PUM2: variants seen among roughly 807,000 people sequenced by gnomAD.
The protein encoded by PUM2 is pumilio homolog 2.
PUM2 carries 57 observed loss-of-function variants against 124.5 expected under a neutral mutation model. The ratio of observed to expected loss-of-function variants is 0.46; its 90% CI spans 0.37 to 0.57. PUM2 has a LOEUF of 0.57. Among genes scored for constraint, PUM2 ranks in the 20% least tolerant of loss-of-function variants. The pLI is 0.00. For missense variants in PUM2, 1,065 were observed against 1,290.6 expected, an observed-to-expected ratio of 0.83 and a Z score of 2.68; for synonymous variants, 460 against 446.1, an observed-to-expected ratio of 1.03 and a Z score of -0.39.
At chr2:20,320,167 G>A (rs1681956107) in intron 2 of PUM2, among the ~76,000 whole-genome samples, 1 of 152,186 alleles carries the variant, frequency 6.6e-6, no homozygotes, top group Non-Finnish European at 1.5e-5. Flanking sequence ...CTGGGAGGCT[G>A]AGGCAGAGAA....
intron 20 of PUM2, among the ~76,000 whole-genome samples, chr2:20,252,026 C>T (rs1028149474): frequency 6.6e-6 from 1 of 152,096 alleles, no homozygotes; most frequent in African/African-American, 2.4e-5. Flanking sequence ...AAAAAAATTA[C>T]AAAAAGACTT....
chr2:20,258,872 T>C (rs1030755469), intron 15 of PUM2, among the ~76,000 whole-genome samples: 1 of 151,546 alleles, frequency 6.6e-6, no homozygotes, highest in Non-Finnish European at 1.5e-5. Flanking sequence ...TTTCACCTTG[T>C]TAGCCAGGAT....
At chr2:20,312,176 G>A in intron 4 of PUM2, 60 bp downstream of exon 4, 1 of 1,413,080 alleles carries the variant, frequency 7.1e-7, no homozygotes, top group African/African-American at 1.5e-5. Context: ...AAAAATAAAA[G>A]TAACGTAACC....
chr2:20,344,191 C>T (rs1687771113), intron 1 of PUM2, among the ~76,000 whole-genome samples: 1 of 152,184 alleles, frequency 6.6e-6, no homozygotes, highest in Non-Finnish European at 1.5e-5. Context: ...CCTCAGCCTC[C>T]CAGGTAGCTG....
Position 20,253,831 on chromosome 2 carries a change from G to T in PUM2, c.3054C>A (p.Ile1018=). 6.2e-7 allele frequency: 1 copy of T among 1,611,582 alleles called. No homozygotes were observed. Among genetic ancestry groups the T allele is most frequent in the Non-Finnish European group, 8.5e-7 (1 of 1,178,070 alleles). Residue 1018 remains isoleucine, a synonymous_variant, in exon 20 of 21, where the codon ATC becomes ATA. Transcript: ENST00000361078. ...DMAEPAQRKI[I]MHKIRPHITT... ...TTACATGCTGTATTACCTTGTGCAT[G>T]ATTATCTTTCTCTGAGCAGGTTCAG... is the stretch of plus-strand genomic sequence containing the variant.
At chr2:20,265,546 T>C (rs1667454319) in intron 13 of PUM2, among the ~76,000 whole-genome samples, 1 of 152,252 alleles carries the variant, frequency 6.6e-6, no homozygotes, top group Non-Finnish European at 1.5e-5. Flanking sequence ...CTAGCATCTT[T>C]GCCCTTTTAG....
rs1553358921 is a variant in PUM2, at chr2:20,260,494, A to T, written c.2226-28T>A. 8.3e-6 allele frequency: 13 copies of T among 1,575,202 alleles called. No homozygotes were observed. The South Asian group carries it at 1.5e-4, about 18-fold the overall frequency. Reference sequence around the variant, plus strand: ...ACATAGGGAACATTTTTAATATGACAATATGTTTTTTAATACACTTGAGTA... The same window carrying T: ...ACATAGGGAACATTTTTAATATGACTATATGTTTTTTAATACACTTGAGTA... On this transcript the variant is annotated intron_variant, in intron 14 of 20. Transcript: ENST00000361078.
chr2:20,308,627 A>G, intron 5 of PUM2, 43 bp from the exon 6 acceptor site: 1 of 1,521,598 alleles, frequency 6.6e-7, no homozygotes, highest in Non-Finnish European at 8.9e-7. Context: ...AAAAGTAACA[A>G]GTCAAATAGC....
chr2:20,286,464 A>G (rs1672769252), intron 10 of PUM2, among the ~76,000 whole-genome samples: 2 of 152,156 alleles, frequency 1.3e-5, no homozygotes, highest in Admixed American at 1.3e-4. Context: ...AACATTTTCT[A>G]ATTTACTAAC....
chr2:20,299,451 G>A (rs904439107), intron 7 of PUM2, among the ~76,000 whole-genome samples: 1 of 152,050 alleles, frequency 6.6e-6, no homozygotes, highest in African/African-American at 2.4e-5. Context: ...GATCACTTGA[G>A]GCCAGGAGTT....
chr2:20,275,991 TGATA>T (rs757692659), intron 13 of PUM2, among the ~76,000 whole-genome samples: 3 of 152,024 alleles, frequency 2.0e-5, no homozygotes, highest in Non-Finnish European at 4.4e-5. Context: ...TTAAAATGTA[TGATA>T]TACTGTAGTT....
chr2:20,342,244 A>G (rs1456511774), intron 1 of PUM2, among the ~76,000 whole-genome samples: 1 of 152,218 alleles, frequency 6.6e-6, no homozygotes, highest in Non-Finnish European at 1.5e-5. Flanking sequence ...AATTTTAAGA[A>G]GCAGACTTTA....
At chr2:20,309,266 A>C (rs1021949944) in intron 5 of PUM2, among the ~76,000 whole-genome samples, 2 of 152,142 alleles carry the variant, frequency 1.3e-5, no homozygotes, top group Non-Finnish European at 2.9e-5. Context: ...GATTCCAACT[A>C]ATAAGAACAA....
At chr2:20,333,901 T>C (rs1160658734) in intron 1 of PUM2, among the ~76,000 whole-genome samples, 1 of 152,124 alleles carries the variant, frequency 6.6e-6, no homozygotes, top group East Asian at 1.9e-4. Context: ...TGATAGTTTT[T>C]CTAAGATCTA....
rs531777254 is a variant in PUM2, at chr2:20,318,775, T to A, written c.52-130A>T. On this transcript the variant is annotated intron_variant, in intron 2 of 20. Coordinates refer to ENST00000361078, the MANE Select transcript of PUM2 (RefSeq NM_015317.5). Reference sequence around the variant, plus strand: ...CTAATGAAAATTCAGAGTGACCTATTTTCTAAGCTGTTTTGTTAATAGTAA... The same window carrying A: ...CTAATGAAAATTCAGAGTGACCTATATTCTAAGCTGTTTTGTTAATAGTAA... 5.6e-5 allele frequency: 32 copies of A among 571,330 alleles called. No homozygotes were observed. In the South Asian group the frequency reaches 9.7e-4, roughly 17 times the overall value. The allele number at this position is 571,330 out of a possible 1,614,324, so 35.4% of individuals were successfully genotyped here.
chr2:20,336,660 G>A (rs1430171290), intron 1 of PUM2, among the ~76,000 whole-genome samples: 2 of 148,450 alleles, frequency 1.3e-5, no homozygotes, highest in African/African-American at 5.0e-5. Flanking sequence ...GGGACCACAG[G>A]TGCCACCAGG....
intron 16 of PUM2, 132 bp downstream of exon 16, chr2:20,258,111 G>A (rs538766883): frequency 8.6e-6 from 7 of 811,682 alleles, no homozygotes; most frequent in African/African-American, 3.5e-5. Flanking sequence ...TTAGGACACA[G>A]TAACAACATT....
chr2:20,267,026 C>CTTTTTTTTTT (rs373222999), intron 13 of PUM2, among the ~76,000 whole-genome samples: 4 of 142,810 alleles, frequency 2.8e-5, no homozygotes, highest in African/African-American at 7.7e-5. Flanking sequence ...ATGCCTGTAA[C>CTTTTTTTTTT]TTTTTTTTTT....
chr2:20,276,307 T>C (rs974194335), intron 13 of PUM2, among the ~76,000 whole-genome samples: 3 of 151,802 alleles, frequency 2.0e-5, no homozygotes, highest in Non-Finnish European at 4.4e-5. Flanking sequence ...TACTGGGCAT[T>C]TTCTGTGAAT....
Sources: allele counts gnomAD v4.1 joint callset (sites outside exome capture counted in the v4.1 genomes callset), GRCh38; gene constraint gnomAD v4.1.1; transcripts MANE v1.5; gene names NCBI Gene and HGNC (gene_info 2026-07-23, HGNC 2026-07-21).